The following BCAR3 variants were observed in gnomAD, a reference collection of about 807,000 sequenced individuals.
The protein encoded by BCAR3 is breast cancer anti-estrogen resistance protein 3.
A neutral mutation model predicts 80.1 loss-of-function variants in BCAR3; 37 were observed. The observed-to-expected ratio is 0.46, with a 90% CI of 0.36 to 0.61. The LOEUF (loss-of-function observed/expected upper bound fraction) is 0.61, where lower values mean the gene tolerates loss of function less well. BCAR3 is among the 20% of genes least tolerant of loss of function. The pLI is 0.00. For synonymous variants in BCAR3, 389 were observed against 418.9 expected (o/e 0.93, Z 0.87); for missense variants, 978 against 1,068.2 (o/e 0.92, Z 1.18).
intron 2 of BCAR3, among the ~76,000 whole-genome samples, chr1:93,781,639 G>A (rs1652764471): frequency 6.6e-6 from 1 of 152,140 alleles, no homozygotes. Context: ...AGTAAGGTGA[G>A]GAGATCCTTG....
At chr1:93,690,368 G>A (rs1649146704) in intron 3 of BCAR3, among the ~76,000 whole-genome samples, 1 of 152,140 alleles carries the variant, frequency 6.6e-6, no homozygotes, top group African/African-American at 2.4e-5. Flanking sequence ...CTATGTGCCT[G>A]GTACTGTTCT....
chr1:93,691,115 G>A (rs1649171161), intron 3 of BCAR3, among the ~76,000 whole-genome samples: 1 of 152,292 alleles, frequency 6.6e-6, no homozygotes, highest in Admixed American at 6.5e-5. Flanking sequence ...CAAGGCCACT[G>A]AGCAAATTAC....
At chr1:93,601,468 G>A (rs1256265672) in intron 3 of BCAR3, among the ~76,000 whole-genome samples, 2 of 152,114 alleles carry the variant, frequency 1.3e-5, no homozygotes, top group African/African-American at 2.4e-5. Flanking sequence ...GCATACTGTC[G>A]CTTGGTGGCA....
chr1:93,671,871 C>A (rs763374730), intron 2 of BCAR3, among the ~76,000 whole-genome samples: 1 of 151,624 alleles, frequency 6.6e-6, no homozygotes, highest in Non-Finnish European at 1.5e-5. Context: ...ATTGGGAACA[C>A]CTCAGGAGAT....
chr1:93,622,622 C>T (rs773546132), intron 3 of BCAR3, among the ~76,000 whole-genome samples: 1 of 152,150 alleles, frequency 6.6e-6, no homozygotes, highest in African/African-American at 2.4e-5. Flanking sequence ...GCTAAGGGAC[C>T]GCTTTTGTCA....
At chr1:93,662,842 A>G (rs1035112927) in intron 2 of BCAR3, among the ~76,000 whole-genome samples, 1 of 152,142 alleles carries the variant, frequency 6.6e-6, no homozygotes, top group Non-Finnish European at 1.5e-5. Flanking sequence ...TTATAATAGA[A>G]TATTTCCTGA....
chr1:93,667,281 G>A (rs941063204), intron 2 of BCAR3, among the ~76,000 whole-genome samples: 1 of 152,222 alleles, frequency 6.6e-6, no homozygotes, highest in Non-Finnish European at 1.5e-5. Flanking sequence ...CTAGGAGCAG[G>A]CATGGGACCT....
chr1:93,577,706 C>T (rs1441212143), intron 7 of BCAR3, among the ~76,000 whole-genome samples: 2 of 152,210 alleles, frequency 1.3e-5, no homozygotes, highest in African/African-American at 4.8e-5. Flanking sequence ...ACGCCATGCA[C>T]GCTTCCTCGC....
intron 2 of BCAR3, among the ~76,000 whole-genome samples, chr1:93,766,502 T>G (rs12143397): frequency 1.3e-5 from 2 of 152,110 alleles, no homozygotes; most frequent in Non-Finnish European, 2.9e-5. Flanking sequence ...TCTTCCCAGA[T>G]GAATTTTCTT....
At chr1:93,766,362 A>G (rs1281868388) in intron 2 of BCAR3, among the ~76,000 whole-genome samples, 2 of 152,214 alleles carry the variant, frequency 1.3e-5, no homozygotes, top group East Asian at 1.9e-4. Flanking sequence ...GTTTGGGGTA[A>G]AGTGTTGGAG....
chr1:93,705,108 C>T (rs929494136), intron 3 of BCAR3, among the ~76,000 whole-genome samples: 6 of 152,156 alleles, frequency 3.9e-5, no homozygotes, highest in African/African-American at 7.2e-5. Flanking sequence ...TCTAGCTCCA[C>T]CCGGGGTTGT....
intron 9 of BCAR3, among the ~76,000 whole-genome samples, chr1:93,569,322 A>C (rs1481052176): frequency 1.3e-5 from 2 of 152,216 alleles, no homozygotes; most frequent in African/African-American, 4.8e-5. Flanking sequence ...GGTAGAGCTG[A>C]GATTCATTTA....
chr1:93,729,327 T>A (rs1650703831), intron 2 of BCAR3, among the ~76,000 whole-genome samples: 1 of 152,122 alleles, frequency 6.6e-6, no homozygotes, highest in South Asian at 2.1e-4. Context: ...AATCATCTAG[T>A]ATAAAGCCTA....
At chr1:93,743,494 T>A (rs1651249164) in intron 2 of BCAR3, among the ~76,000 whole-genome samples, 1 of 152,208 alleles carries the variant, frequency 6.6e-6, no homozygotes, top group Admixed American at 6.5e-5. Context: ...AGCCTCTGCA[T>A]TGGGAGGTTC....
intron 2 of BCAR3, among the ~76,000 whole-genome samples, chr1:93,834,697 T>G (rs965117203): frequency 6.6e-6 from 1 of 152,204 alleles, no homozygotes; most frequent in African/African-American, 2.4e-5. Flanking sequence ...CTCAACTCAC[T>G]CTCTACAGTT....
At chr1:93,742,321 T>C (rs1651206252) in intron 2 of BCAR3, among the ~76,000 whole-genome samples, 1 of 152,234 alleles carries the variant, frequency 6.6e-6, no homozygotes, top group Non-Finnish European at 1.5e-5. Context: ...AGTTGCTCCA[T>C]GTAACCACCA....
At chr1:93,570,006 C>T (rs1274209955) in intron 9 of BCAR3, among the ~76,000 whole-genome samples, 1 of 152,134 alleles carries the variant, frequency 6.6e-6, no homozygotes, top group Non-Finnish European at 1.5e-5. Flanking sequence ...AATGATAACC[C>T]GTTATAGTAG....
At chr1:93,826,128 A>T (rs1044147901) in intron 2 of BCAR3, among the ~76,000 whole-genome samples, 1 of 152,152 alleles carries the variant, frequency 6.6e-6, no homozygotes, top group Non-Finnish European at 1.5e-5. Context: ...CTGCCATGGT[A>T]AGGACTCCAG....
At chr1:93,636,540 C>A (rs1402506292) in intron 3 of BCAR3, among the ~76,000 whole-genome samples, 2 of 150,874 alleles carry the variant, frequency 1.3e-5, no homozygotes, top group Non-Finnish European at 2.9e-5. Flanking sequence ...CTTGCCTATT[C>A]ATGGCTAATT....
Sources: gnomAD v4.1 joint callset for allele counts (sites outside exome capture counted in the v4.1 genomes callset) on GRCh38, gnomAD v4.1.1 for gene constraint, MANE v1.5 for transcripts, NCBI Gene and HGNC (gene_info 2026-07-23, HGNC 2026-07-21) for gene names.